Variants in EML1 observed in about 807,000 individuals in gnomAD.
EML1 encodes the protein echinoderm microtubule-associated protein-like 1.
EML1 carries 27 observed loss-of-function variants against 110.4 expected under a neutral mutation model. The ratio of observed to expected loss-of-function variants is 0.24; its 90% CI spans 0.18 to 0.34. The LOEUF (loss-of-function observed/expected upper bound fraction) is 0.34. Ranked by LOEUF, EML1 falls within the 10% of genes least tolerant of loss-of-function variation. The pLI is 1.00. For synonymous variants in EML1, 344 were observed against 385.8 expected (o/e 0.89, Z 1.27); for missense variants, 741 against 1,030.9 (o/e 0.72, Z 3.85).
At chr14:99,915,172 G>A (rs2060012431) in intron 15 of EML1, 1 of 195,478 alleles carries the variant, frequency 5.1e-6, no homozygotes, top group South Asian at 9.1e-5. Flanking sequence ...CAGCACTTTG[G>A]GAGGCCAAGG....
chr14:99,926,245 G>A (rs1287527092), intron 17 of EML1, among the ~76,000 whole-genome samples: 1 of 151,902 alleles, frequency 6.6e-6, no homozygotes, highest in African/African-American at 2.4e-5. Flanking sequence ...TTTGGCCACA[G>A]CTAGAAGAAC....
intron 15 of EML1, 39 bp from the exon 16 acceptor site, chr14:99,917,739 TTCTA>T (rs770642428): frequency 1.9e-6 from 3 of 1,598,406 alleles, no homozygotes; most frequent in South Asian, 2.2e-5. Flanking sequence ...TGCTATAGTG[TTCTA>T]TCTGTTCATC....
At chr14:99,916,952 C>A (rs2060043841) in intron 15 of EML1, among the ~76,000 whole-genome samples, 1 of 152,176 alleles carries the variant, frequency 6.6e-6, no homozygotes. Context: ...CATCTTGTAT[C>A]CGAGTTAGTG....
chr14:99,748,816 T>G (rs957727719), intron 1 of EML1, among the ~76,000 whole-genome samples: 11 of 152,182 alleles, frequency 7.2e-5, no homozygotes, highest in Admixed American at 1.3e-4. Context: ...TAGCGACCCC[T>G]TCTAGCTTCC....
chr14:99,929,079 A>T (rs1487171582), intron 17 of EML1, among the ~76,000 whole-genome samples: 1 of 152,216 alleles, frequency 6.6e-6, no homozygotes, highest in Admixed American at 6.5e-5. Context: ...GAGCAGGTCC[A>T]TTGGGAAACA....
intron 4 of EML1, among the ~76,000 whole-genome samples, chr14:99,887,504 C>T (rs539647757): frequency 6.7e-6 from 1 of 150,368 alleles, no homozygotes; most frequent in South Asian, 2.1e-4. Flanking sequence ...GGTGCTCCTT[C>T]ACCCTTCCTA....
Position 99,939,900 on chromosome 14 carries a change from G to A in EML1, c.2323-87G>A. The A allele has an allele frequency of 2.1e-6, 3 of 1,437,630 alleles. No homozygotes were observed. The highest frequency in any genetic ancestry group is 2.8e-6 in the Non-Finnish European group (3 of 1,084,798). The allele number at this position is 1,437,630 out of a possible 1,614,324, so 89.1% of individuals were successfully genotyped here. ...AGCGGAGGGCGAGTAAAGGAATTAA[G>A]GCATGCAGTGAGAATTCAAGCACTT... On this transcript the variant is annotated intron_variant, in intron 21 of 21. Transcript: ENST00000262233. This position sits in a 1 kb window ranked among gnomAD's most constrained non-coding sequence, Gnocchi z 4.2.
At chr14:99,740,335 G>C (rs1224323900) in intron 1 of EML1, among the ~76,000 whole-genome samples, 5 of 152,208 alleles carry the variant, frequency 3.3e-5, no homozygotes, top group African/African-American at 1.2e-4. Flanking sequence ...CTCTTCCCGG[G>C]AGTCCCACCT....
chr14:99,778,284 T>C (rs1366700826), intron 1 of EML1, among the ~76,000 whole-genome samples: 1 of 152,264 alleles, frequency 6.6e-6, no homozygotes, highest in East Asian at 1.9e-4. Flanking sequence ...CAAACACTAC[T>C]CAAAGTTAAG....
chr14:99,786,503 A>G (rs2057601659), intron 1 of EML1, among the ~76,000 whole-genome samples: 1 of 152,190 alleles, frequency 6.6e-6, no homozygotes, highest in Non-Finnish European at 1.5e-5. Flanking sequence ...AGTTCCCACA[A>G]GGCAAAGCAG....
At chr14:99,803,854 A>G (rs949258349) in intron 1 of EML1, among the ~76,000 whole-genome samples, 1 of 152,240 alleles carries the variant, frequency 6.6e-6, no homozygotes, top group Admixed American at 6.5e-5. Flanking sequence ...ATACTGCAGC[A>G]TTACTGTGCA....
At chr14:99,777,455 T>C (rs1159381528) in intron 1 of EML1, among the ~76,000 whole-genome samples, 1 of 152,218 alleles carries the variant, frequency 6.6e-6, no homozygotes, top group Non-Finnish European at 1.5e-5. Flanking sequence ...AGTCTTGCGC[T>C]GTCGCCCAGG....
At chr14:99,783,484 ACT>A (rs2057565200) in intron 1 of EML1, among the ~76,000 whole-genome samples, 2 of 72,704 alleles carry the variant, frequency 2.8e-5, no homozygotes, top group African/African-American at 5.6e-5. Context: ...TTAAAGGGGT[ACT>A]TTTTTTTTTT....
chr14:99,852,762 C>T (rs142051515), intron 2 of EML1, among the ~76,000 whole-genome samples: 29 of 152,238 alleles, frequency 1.9e-4, no homozygotes, highest in African/African-American at 5.3e-4. Flanking sequence ...CATTTCCACA[C>T]ATCTGTGGGA....
In EML1 at chr14:99,933,380, T is replaced by C. The variant is rs566481496; in HGVS notation, c.1910-2649T>C. The stretch of plus-strand genomic sequence containing the variant: ...TAGTAGAGACAGGGTTTCACCATGT[T>C]GGCCAGGCTGGTCTCAAACTCCTGA... On this transcript the variant is annotated intron_variant, in intron 17 of 21. Transcript: ENST00000262233. 4.6e-5 allele frequency among the ~76,000 whole-genome samples: 7 copies of C among 152,282 alleles called. No individual in the cohort carries two copies. The South Asian group carries it at 1.5e-3, about 32-fold the overall frequency.
At chr14:99,762,373 C>T (rs530022547) in intron 1 of EML1, among the ~76,000 whole-genome samples, 1 of 152,318 alleles carries the variant, frequency 6.6e-6, no homozygotes, top group South Asian at 2.1e-4. Context: ...ACAGAACTTA[C>T]ACCACCAGAA....
chr14:99,796,410 CTT>C (rs2057775726), intron 1 of EML1, among the ~76,000 whole-genome samples: 1 of 151,720 alleles, frequency 6.6e-6, no homozygotes, highest in African/African-American at 2.4e-5. Flanking sequence ...CAGGAACTGT[CTT>C]TCTCATTTAA....
chr14:99,887,431 GT>G (rs1207315325), intron 4 of EML1, among the ~76,000 whole-genome samples: 3 of 152,114 alleles, frequency 2.0e-5, no homozygotes, highest in Admixed American at 2.0e-4. Context: ...TCAGGGGCAG[GT>G]GCAGGACATC....
intron 1 of EML1, among the ~76,000 whole-genome samples, chr14:99,806,871 T>C (rs1281121515): frequency 6.6e-6 from 1 of 152,158 alleles, no homozygotes; most frequent in Admixed American, 6.5e-5. Flanking sequence ...ATATGTTTGC[T>C]AAAGAAATTT....
Sources: gnomAD v4.1 joint callset for allele counts (sites outside exome capture counted in the v4.1 genomes callset) on GRCh38, gnomAD v4.1.1 for gene constraint, Gnocchi (gnomAD v3.1) non-coding constraint, MANE v1.5 for transcripts, NCBI Gene and HGNC (gene_info 2026-07-23, HGNC 2026-07-21) for gene names.